The following ALPK1 variants were observed in gnomAD, a reference collection of about 807,000 sequenced individuals.
ALPK1 encodes the protein alpha kinase 1.
A neutral mutation model predicts 120.6 loss-of-function variants in ALPK1; 110 were observed. The observed-to-expected ratio is 0.91, with a 90% CI of 0.78 to 1.07. The LOEUF (loss-of-function observed/expected upper bound fraction) is 1.07, where lower values mean the gene tolerates loss of function less well. ALPK1 is among the 50% of genes least tolerant of loss of function. The pLI is 0.00. For missense variants in ALPK1, 1,498 were observed against 1,483.9 expected (o/e 1.01, Z -0.16); for synonymous variants, 582 against 560.3 (o/e 1.04, Z -0.55).
rs527986912 is a variant in ALPK1, at chr4:112,395,223, C to G, written c.276+12671C>G. On this transcript the variant is annotated intron_variant, in intron 4 of 15. Coordinates refer to ENST00000650871, the MANE Select transcript of ALPK1 (RefSeq NM_025144.4). ...AGAGAGCTTGAGAGACATTTCCAAG[C>G]CATGTCACCAAGTATACTTCAGCAG... Among the ~76,000 whole-genome samples, 3 of 152,292 alleles carry G rather than the reference C, an allele frequency of 2.0e-5. No homozygotes were observed. The East Asian group carries it at 5.8e-4, about 29-fold the overall frequency.
chr4:112,383,856 A>C (rs1474522775), intron 4 of ALPK1: 2 of 152,234 alleles, frequency 1.3e-5, no homozygotes, highest in African/African-American at 4.8e-5. Flanking sequence ...TAAACATCAT[A>C]GCTTAGCTTA....
intron 2 of ALPK1, among the ~76,000 whole-genome samples, chr4:112,322,046 A>G (rs542869977): frequency 6.6e-6 from 1 of 152,346 alleles, no homozygotes; most frequent in Admixed American, 6.5e-5. Context: ...AACCGTCAAG[A>G]TGGGGGTTGA....
At chr4:112,414,553 A>G (rs921444988) in intron 5 of ALPK1, 9 of 290,410 alleles carry the variant, frequency 3.1e-5, no homozygotes, top group African/African-American at 1.7e-4. Flanking sequence ...AGTTGCAGTG[A>G]GGTGAGATCA....
At chr4:112,413,503 C>T (rs1357177033) in intron 5 of ALPK1, among the ~76,000 whole-genome samples, 2 of 152,194 alleles carry the variant, frequency 1.3e-5, no homozygotes, top group African/African-American at 4.8e-5. Context: ...ACTGCAGCCT[C>T]GACTTCTGGG....
At chr4:112,434,818 C>T (rs923424001) in intron 11 of ALPK1, among the ~76,000 whole-genome samples, 2 of 152,166 alleles carry the variant, frequency 1.3e-5, no homozygotes, top group African/African-American at 4.8e-5. Context: ...AAAATGGTCT[C>T]TGGGGTTTTC....
intron 1 of ALPK1, among the ~76,000 whole-genome samples, chr4:112,297,863 C>G (rs1727609143): frequency 6.6e-6 from 1 of 152,122 alleles, no homozygotes; most frequent in Middle Eastern, 3.4e-3. Flanking sequence ...AAAAAAAACT[C>G]TATGACTTTT....
chr4:112,426,076 C>T (rs934898619), intron 7 of ALPK1: 2 of 212,864 alleles, frequency 9.4e-6, no homozygotes, highest in Non-Finnish European at 9.3e-6. Flanking sequence ...CTATACCCAC[C>T]GTGACACTGT....
At chr4:112,326,483 A>G (rs1729124531) in intron 2 of ALPK1, among the ~76,000 whole-genome samples, 1 of 152,206 alleles carries the variant, frequency 6.6e-6, no homozygotes, top group Admixed American at 6.5e-5. Context: ...CCTGACACAT[A>G]GTAGGCATTC....
At chr4:112,375,463 C>T (rs560019347) in intron 2 of ALPK1, among the ~76,000 whole-genome samples, 1 of 152,328 alleles carries the variant, frequency 6.6e-6, no homozygotes, top group African/African-American at 2.4e-5. Flanking sequence ...CTTGCTGCTT[C>T]ATCTTGCACT....
In ALPK1 at chr4:112,362,822, A is replaced by G. The variant is rs1318417755; in HGVS notation, c.-100-14856A>G. 3.9e-5 allele frequency among the ~76,000 whole-genome samples: 6 copies of G among 152,222 alleles called. No individual in the cohort carries two copies. In the East Asian group the frequency reaches 1.2e-3, roughly 29 times the overall value. ...AGCCAAGACGAAGGAAAGAATCTTA[A>G]GAGCTGTGAGGCAAAAGCATCAGGT... On this transcript the variant is annotated intron_variant, in intron 2 of 15. Coordinates refer to ENST00000650871, the MANE Select transcript of ALPK1 (RefSeq NM_025144.4).
intron 4 of ALPK1, among the ~76,000 whole-genome samples, chr4:112,395,630 T>C (rs969341226): frequency 7.9e-5 from 12 of 152,234 alleles, no homozygotes; most frequent in African/African-American, 2.7e-4. Context: ...ATGAATACTT[T>C]AAAGTTTGAA....
intron 2 of ALPK1, chr4:112,359,029 A>G: frequency 2.6e-6 from 2 of 764,876 alleles, no homozygotes; most frequent in Non-Finnish European, 4.9e-6. Flanking sequence ...TATCGGCCAG[A>G]GCACAGCATT....
intron 2 of ALPK1, among the ~76,000 whole-genome samples, chr4:112,339,474 A>G (rs1208013741): frequency 6.6e-6 from 1 of 152,252 alleles, no homozygotes; most frequent in East Asian, 1.9e-4. Flanking sequence ...TTATTTGTTT[A>G]TAGATTAGTT....
chr4:112,330,523 A>G (rs12644594), intron 2 of ALPK1, among the ~76,000 whole-genome samples: 28,949 of 152,080 alleles, frequency 0.19, 3,182 homozygotes, highest in Middle Eastern at 0.3. Flanking sequence ...ACTGGTTAAA[A>G]GGCTAGAGTT....
chr4:112,423,006 T>G (rs1300486341), intron 5 of ALPK1, among the ~76,000 whole-genome samples: 2 of 152,350 alleles, frequency 1.3e-5, no homozygotes, highest in East Asian at 3.8e-4. Context: ...AACTCTAGAT[T>G]CCACTTTTTG....
chr4:112,351,434 C>T (rs903774931), intron 2 of ALPK1, among the ~76,000 whole-genome samples: 3 of 151,956 alleles, frequency 2.0e-5, no homozygotes, highest in Non-Finnish European at 4.4e-5. Flanking sequence ...TACAGAATTT[C>T]CTAAAATATA....
intron 2 of ALPK1, among the ~76,000 whole-genome samples, chr4:112,328,220 G>A (rs1198787098): frequency 6.6e-6 from 1 of 152,236 alleles, no homozygotes; most frequent in African/African-American, 2.4e-5. Context: ...TCTGTCTGTG[G>A]GCAAGAGCCC....
chr4:112,314,065 C>A (rs2110535655), intron 1 of ALPK1, among the ~76,000 whole-genome samples: 1 of 152,328 alleles, frequency 6.6e-6, no homozygotes, highest in South Asian at 2.1e-4. Flanking sequence ...AGAAATACTG[C>A]TGCCCTTGAA....
chr4:112,359,195 A>C, intron 2 of ALPK1: 1 of 605,544 alleles, frequency 1.7e-6, no homozygotes, highest in Non-Finnish European at 3.0e-6. Context: ...CACCCCCCAC[A>C]GGAGACCCTG....
Sources: gnomAD v4.1 joint callset for allele counts (sites outside exome capture counted in the v4.1 genomes callset) on GRCh38, gnomAD v4.1.1 for gene constraint, MANE v1.5 for transcripts, NCBI Gene and HGNC (gene_info 2026-07-23, HGNC 2026-07-21) for gene names.